The following ITGB5 variants were observed in gnomAD, a reference collection of about 807,000 sequenced individuals.
The protein encoded by ITGB5 is integrin beta-5.
ITGB5 carries 38 observed loss-of-function variants against 84.8 expected under a neutral mutation model. That is an observed-to-expected ratio of 0.45 (90% CI 0.35 to 0.59). The LOEUF is 0.59. Among genes scored for constraint, ITGB5 ranks in the 20% least tolerant of loss-of-function variants. ITGB5 has a pLI of 0.01. For missense variants in ITGB5, 905 were observed against 1,034.5 expected (o/e 0.87, Z 1.72); for synonymous variants, 393 against 414.4 (o/e 0.95, Z 0.63).
At chr3:124,798,504 C>G (rs1454697515) in intron 9 of ITGB5, among the ~76,000 whole-genome samples, 3 of 152,166 alleles carry the variant, frequency 2.0e-5, no homozygotes, top group African/African-American at 7.2e-5. Flanking sequence ...ACTGCAGCCT[C>G]TGCCTCCCAG....
chr3:124,781,162 C>T (rs1274341996), intron 10 of ITGB5: 1 of 152,150 alleles, frequency 6.6e-6, no homozygotes, highest in Non-Finnish European at 1.5e-5. Context: ...CATGCTGGGC[C>T]AACCACAGTC....
chr3:124,885,058 G>A (rs1228484767), intron 1 of ITGB5, among the ~76,000 whole-genome samples: 1 of 152,234 alleles, frequency 6.6e-6, no homozygotes, highest in East Asian at 1.9e-4. Context: ...ATCACCTTAA[G>A]TGAGGAGTTC....
At chr3:124,850,338 A>G (rs1311501651) in intron 3 of ITGB5, among the ~76,000 whole-genome samples, 1 of 152,090 alleles carries the variant, frequency 6.6e-6, no homozygotes, top group African/African-American at 2.4e-5. Flanking sequence ...AATTAAGCCT[A>G]TGATGCGCTC....
chr3:124,887,613 G>A, upstream of ITGB5: 1 of 402,118 alleles, frequency 2.5e-6, no homozygotes, highest in Non-Finnish European at 5.2e-6. Flanking sequence ...GGGCGTGGGG[G>A]GCTCGAAACC....
rs190901875 is a variant in ITGB5 at position 124,779,769 on chromosome 3, G to T, written c.1694-5857C>A. On this transcript the variant is annotated intron_variant, in intron 10 of 14. Transcript: ENST00000296181. ...TCGCTTAACCTCTATAAACCACTTA[G>T]AATAGTGTTGGCTCATTAAACATCA... Among the ~76,000 whole-genome samples the T allele has an allele frequency of 2.4e-3, 365 of 152,296 alleles. 5 individuals carry two copies. The highest frequency in any genetic ancestry group is 8.4e-3 in the African/African-American group (348 of 41,552).
At chr3:124,779,139 A>T (rs940055913) in intron 10 of ITGB5, among the ~76,000 whole-genome samples, 3 of 152,072 alleles carry the variant, frequency 2.0e-5, no homozygotes, top group Non-Finnish European at 4.4e-5. Context: ...ACTGGAGTTG[A>T]CACTCTAGGA....
intron 1 of ITGB5, among the ~76,000 whole-genome samples, chr3:124,874,990 T>A (rs772285153): frequency 6.6e-6 from 1 of 151,936 alleles, no homozygotes; most frequent in East Asian, 1.9e-4. Context: ...GCAACAAAAA[T>A]GAAAATAGGC....
intron 5 of ITGB5, among the ~76,000 whole-genome samples, chr3:124,838,145 C>T (rs1225610881): frequency 6.6e-6 from 1 of 150,494 alleles, no homozygotes; most frequent in African/African-American, 2.5e-5. Flanking sequence ...TCATTAAAGA[C>T]GAACAATGAG....
At chr3:124,835,934 G>A (rs2064929035) in intron 5 of ITGB5, among the ~76,000 whole-genome samples, 1 of 152,156 alleles carries the variant, frequency 6.6e-6, no homozygotes, top group African/African-American at 2.4e-5. Flanking sequence ...TTAAGCCTGA[G>A]CCAGAAGAGA....
chr3:124,768,939 C>T (rs2063803273), intron 12 of ITGB5, 74 bp downstream of exon 12: 1 of 1,224,150 alleles, frequency 8.2e-7, no homozygotes, highest in East Asian at 2.3e-5. Flanking sequence ...TGCCTCCTGA[C>T]TCAAGGCTAA....
chr3:124,858,233 T>C (rs1217736940), intron 3 of ITGB5, among the ~76,000 whole-genome samples: 1 of 152,082 alleles, frequency 6.6e-6, no homozygotes, highest in Non-Finnish European at 1.5e-5. Flanking sequence ...TTATAAGTAA[T>C]TATATTACCG....
At position 124,796,574 on chromosome 3, in the gene ITGB5, C is replaced by T. The variant is rs747698019; in HGVS notation, c.1507G>A (p.Gly503Arg). 7 of 1,614,040 alleles carry T rather than the reference C, an allele frequency of 4.3e-6. No individual in the cohort carries two copies. The South Asian group carries it at 5.5e-5, about 13-fold the overall frequency. ...YLGTRCECQDGENQSVYQNLC... is the reference protein window; with the variant it reads ...YLGTRCECQDRENQSVYQNLC... Reference sequence around the variant, plus strand: ...TTCTGGTACACGCTCTGGTTCTCCCCATCCTGGCACTCGCACCTGGTGCCC... The same window carrying T: ...TTCTGGTACACGCTCTGGTTCTCCCTATCCTGGCACTCGCACCTGGTGCCC... The change falls in exon 10 of 15, where the codon GGG becomes AGG. Residue 503 changes from glycine to arginine, a missense_variant. Gly to Arg is a moderately radical substitution (Grantham distance 125). Transcript: ENST00000296181.
At position 124,782,856 on chromosome 3, in the gene ITGB5, C is replaced by T. The variant is rs138938191; in HGVS notation, c.1694-8944G>A. ...AGCTTGGGCGACAAGAGTGAAACTC[C>T]GTCTCAAAAAAAAGAAAAAAAAAAT... On this transcript the variant is annotated intron_variant, in intron 10 of 14. Coordinates refer to ENST00000296181, the MANE Select transcript of ITGB5 (RefSeq NM_002213.5). Among the ~76,000 whole-genome samples, 236 of 149,642 alleles carry T rather than the reference C, an allele frequency of 1.6e-3. 1 individual carries two copies. The highest frequency in any genetic ancestry group is 5.5e-3 in the African/African-American group (222 of 40,088).
intron 10 of ITGB5, chr3:124,792,679 T>C (rs2064165529): frequency 1.3e-5 from 2 of 152,230 alleles, no homozygotes; most frequent in Non-Finnish European, 1.5e-5. Context: ...TTAGGCATCG[T>C]TGATCTAGGA....
chr3:124,763,209 T>C lies in ITGB5; in HGVS notation c.*414A>G, dbSNP rs2063717841. 6.0e-6 allele frequency: 1 copy of C among 165,350 alleles called. No homozygotes were observed. 10.2% of individuals were successfully genotyped at this position (165,350 alleles called of 1,614,324 possible). A position where few individuals can be genotyped will look rare whatever the true frequency, so the allele number is the denominator to read the frequency against. ...TTTTATTTCATATAAAAATGATCAA[T>C]GTGAAAAAAGCCAAACTGTATGCTG... is the stretch of plus-strand genomic sequence containing the variant. On this transcript the variant is annotated 3_prime_UTR_variant, in exon 15 of 15. Transcript: ENST00000296181.
chr3:124,799,612 C>T (rs1244974327), intron 9 of ITGB5, among the ~76,000 whole-genome samples: 1 of 152,158 alleles, frequency 6.6e-6, no homozygotes, highest in East Asian at 1.9e-4. Context: ...TTGCCAAGTG[C>T]CTACTATGTA....
chr3:124,858,222 A>G (rs2065246178), intron 3 of ITGB5, among the ~76,000 whole-genome samples: 2 of 152,022 alleles, frequency 1.3e-5, no homozygotes, highest in South Asian at 4.1e-4. Context: ...TTTATATTAC[A>G]TTATAAGTAA....
chr3:124,764,317 G>A (rs1262895742), intron 14 of ITGB5, 74 bp downstream of exon 14: 2 of 1,476,536 alleles, frequency 1.4e-6, no homozygotes, highest in Non-Finnish European at 1.9e-6. Flanking sequence ...AGCCTCTATT[G>A]CTAACATACC....
chr3:124,784,664 C>A (rs2064054819), intron 10 of ITGB5, among the ~76,000 whole-genome samples: 1 of 152,216 alleles, frequency 6.6e-6, no homozygotes. Context: ...CCATAGTCCT[C>A]TTCTAGGACC....
Sources: gnomAD v4.1 joint callset for allele counts (sites outside exome capture counted in the v4.1 genomes callset) on GRCh38, gnomAD v4.1.1 for gene constraint, MANE v1.5 for transcripts, NCBI Gene and HGNC (gene_info 2026-07-23, HGNC 2026-07-21) for gene names.